Variants in CDH4 observed in about 807,000 individuals in gnomAD.
CDH4 encodes cadherin 4, also known as cadherin-4.
In CDH4, 33 loss-of-function variants were observed where a neutral mutation model predicts 86.0. The ratio of observed to expected loss-of-function variants is 0.38; its 90% CI spans 0.29 to 0.51. The LOEUF (loss-of-function observed/expected upper bound fraction) is 0.51, where lower values mean the gene tolerates loss of function less well. Among genes scored for constraint, CDH4 ranks in the 20% least tolerant of loss-of-function variants. CDH4 has a pLI of 0.86. For synonymous variants in CDH4, 555 were observed against 549.4 expected (o/e 1.01, Z -0.14); for missense variants, 1,114 against 1,307.4 (o/e 0.85, Z 2.28).
intron 2 of CDH4, chr20:61,599,764 C>T (rs193217766): frequency 2.6e-5 from 26 of 985,514 alleles, no homozygotes; most frequent in Middle Eastern, 5.2e-4. Flanking sequence ...CTCCCACGCA[C>T]TGGCGCTCTG....
At chr20:61,635,815 C>T (rs2086940860) in intron 2 of CDH4, among the ~76,000 whole-genome samples, 1 of 152,224 alleles carries the variant, frequency 6.6e-6, no homozygotes, top group South Asian at 2.1e-4. Context: ...CAGGATTTCC[C>T]CACTGTGCTC....
chr20:61,841,727 CTG>C (rs1982183992), intron 4 of CDH4, among the ~76,000 whole-genome samples: 1 of 152,072 alleles, frequency 6.6e-6, no homozygotes, highest in Non-Finnish European at 1.5e-5. Context: ...TCCTCACAGA[CTG>C]TGAGTGTGTG....
At chr20:61,568,561 G>C (rs539175850) in intron 2 of CDH4, among the ~76,000 whole-genome samples, 133 of 152,334 alleles carry the variant, frequency 8.7e-4, no homozygotes, top group African/African-American at 3.0e-3. Flanking sequence ...GGATCTTTTT[G>C]ATGATGTCTG....
In CDH4 at chr20:61,518,474, ATCCATCCT is replaced by A. The variant is rs2085841561; in HGVS notation, c.170-225082_170-225075del. Among the ~76,000 whole-genome samples the A allele has an allele frequency of 6.6e-6, 1 of 151,426 alleles. No homozygotes were observed. On this transcript the variant is annotated intron_variant, in intron 2 of 15. Transcript: ENST00000614565. The surrounding 1 kb of genome is among the most constrained non-coding windows in gnomAD (Gnocchi z 6.3). ...TCCGTCATCCACCCATCGTCCATCC[ATCCATCCT>A]TCCATCATTGATTCATCATCCATCC...
chr20:61,268,604 G>A (rs1260164980), intron 2 of CDH4, among the ~76,000 whole-genome samples: 2 of 152,174 alleles, frequency 1.3e-5, no homozygotes, highest in East Asian at 3.9e-4. Flanking sequence ...GTTCATGAGT[G>A]GTTTGGTGCT....
At position 61,754,120 on chromosome 20, in the gene CDH4, A is replaced by T. The variant is rs2088530195; in HGVS notation, c.396+10331A>T. The stretch of plus-strand genomic sequence containing the variant: ...GTGGCACCACCAGGAGCCAGGAGAG[A>T]CGCCCAGAGCAGATTCTCCTGCACA... On this transcript the variant is annotated intron_variant, in intron 3 of 15. Transcript: ENST00000614565. This position sits in a 1 kb window ranked among gnomAD's most constrained non-coding sequence, Gnocchi z 4.7. 6.6e-6 allele frequency among the ~76,000 whole-genome samples: 1 copy of T among 152,054 alleles called. No individual in the cohort carries two copies. Among genetic ancestry groups the T allele is most frequent in the Non-Finnish European group, 1.5e-5 (1 of 68,012 alleles).
intron 2 of CDH4, among the ~76,000 whole-genome samples, chr20:61,356,898 T>C (rs1465740489): frequency 6.6e-6 from 1 of 152,242 alleles, no homozygotes; most frequent in Non-Finnish European, 1.5e-5. Flanking sequence ...AAGATGTTAT[T>C]CACGTTTAGC....
intron 2 of CDH4, among the ~76,000 whole-genome samples, chr20:61,505,717 C>T (rs917126360): frequency 1.4e-5 from 2 of 144,390 alleles, no homozygotes; most frequent in African/African-American, 4.9e-5. Context: ...TCGCTCACTG[C>T]AAGTTGGCGG....
intron 2 of CDH4, among the ~76,000 whole-genome samples, chr20:61,615,440 T>G (rs2086717725): frequency 6.6e-6 from 1 of 152,104 alleles, no homozygotes; most frequent in Non-Finnish European, 1.5e-5. Context: ...ATTTTTTAAG[T>G]GAGGAATGTC....
intron 2 of CDH4, among the ~76,000 whole-genome samples, chr20:61,319,340 T>C (rs2084495329): frequency 2.6e-5 from 4 of 151,980 alleles, no homozygotes. Flanking sequence ...AGAGAATTCA[T>C]CGATTAAAAA....
chr20:61,597,489 C>T lies in CDH4; in HGVS notation c.170-146074C>T, dbSNP rs141769355. 9.3e-3 allele frequency among the ~76,000 whole-genome samples: 1,422 copies of T among 152,364 alleles called. 16 individuals are homozygous for T. Among genetic ancestry groups the T allele is most frequent in the Admixed American group, 0.014 (213 of 15,308 alleles). ...CTTCCCCAGTACAGATTCCCCAATACCCCAGCTGCCCATACCTTCTGGCAG... is the reference window on the plus strand; with the variant it reads ...CTTCCCCAGTACAGATTCCCCAATATCCCAGCTGCCCATACCTTCTGGCAG... On this transcript the variant is annotated intron_variant, in intron 2 of 15. Coordinates refer to ENST00000614565, the MANE Select transcript of CDH4 (RefSeq NM_001794.5).
At chr20:61,680,920 A>G (rs1021107732) in intron 2 of CDH4, among the ~76,000 whole-genome samples, 1 of 152,154 alleles carries the variant, frequency 6.6e-6, no homozygotes, top group Non-Finnish European at 1.5e-5. Context: ...TTTCTTCCCT[A>G]GAGACACAGC....
chr20:61,652,938 A>ATTTTATTTTTTTTTTT (rs2087138442), intron 2 of CDH4, among the ~76,000 whole-genome samples: 1 of 97,402 alleles, frequency 1.0e-5, no homozygotes, highest in Admixed American at 1.1e-4. Flanking sequence ...TTATTTATTT[A>ATTTTATTTTTTTTTTT]TTTTTTTTTT....
chr20:61,358,823 C>T (rs979283891), intron 2 of CDH4, among the ~76,000 whole-genome samples: 2 of 152,128 alleles, frequency 1.3e-5, no homozygotes, highest in African/African-American at 4.8e-5. Context: ...GAGAGGAGAC[C>T]TGCATGAGCC....
intron 2 of CDH4, among the ~76,000 whole-genome samples, chr20:61,597,545 G>A (rs1358756886): frequency 1.3e-5 from 2 of 152,224 alleles, no homozygotes; most frequent in African/African-American, 4.8e-5. Context: ...GGGCATCAGG[G>A]CGAACAGAGG....
At chr20:61,355,464 C>G (rs2084743494) in intron 2 of CDH4, among the ~76,000 whole-genome samples, 1 of 152,082 alleles carries the variant, frequency 6.6e-6, no homozygotes, top group Admixed American at 6.5e-5. Flanking sequence ...TTTCTGGATC[C>G]AAGACAAACG....
intron 2 of CDH4, among the ~76,000 whole-genome samples, chr20:61,488,899 T>G (rs1301974054): frequency 6.6e-6 from 1 of 152,224 alleles, no homozygotes; most frequent in East Asian, 1.9e-4. Flanking sequence ...TTTTATTATG[T>G]TTAAAGATGC....
At chr20:61,704,047 G>A (rs1052086462) in intron 2 of CDH4, among the ~76,000 whole-genome samples, 9 of 152,034 alleles carry the variant, frequency 5.9e-5, no homozygotes, top group East Asian at 3.9e-4. Context: ...GGCCTCGAGC[G>A]CTCTTGGCTG....
At chr20:61,738,828 C>T (rs575370370) in intron 2 of CDH4, 2 of 152,364 alleles carry the variant, frequency 1.3e-5, no homozygotes, top group Non-Finnish European at 2.9e-5. Flanking sequence ...CAATCCCGCT[C>T]CTCCTCTCAC....
Sources: gnomAD v4.1 joint callset for allele counts (sites outside exome capture counted in the v4.1 genomes callset) on GRCh38, gnomAD v4.1.1 for gene constraint, Gnocchi (gnomAD v3.1) non-coding constraint, MANE v1.5 for transcripts, NCBI Gene and HGNC (gene_info 2026-07-23, HGNC 2026-07-21) for gene names.